GRM5: variants seen among roughly 807,000 people sequenced by gnomAD.
The protein encoded by GRM5 is glutamate metabotropic receptor 5.
A neutral mutation model predicts 83.1 loss-of-function variants in GRM5; 19 were observed. The observed-to-expected ratio is 0.23, with a 90% confidence interval of 0.16 to 0.34. GRM5 has a LOEUF of 0.34. GRM5 is among the 10% of genes least tolerant of loss of function. The pLI, the probability that GRM5 is intolerant of heterozygous loss-of-function variation, is 1.00. For missense variants in GRM5, 1,160 were observed against 1,588.3 expected, an observed-to-expected ratio of 0.73 and a Z score of 4.58; for synonymous variants, 675 against 633.6, an observed-to-expected ratio of 1.07 and a Z score of -0.98.
At chr11:89,008,494 A>T (rs1940592704) in intron 2 of GRM5, among the ~76,000 whole-genome samples, 1 of 152,120 alleles carries the variant, frequency 6.6e-6, no homozygotes. Context: ...GTTTCTATAG[A>T]CATCAAGGTT....
intron 1 of GRM5, among the ~76,000 whole-genome samples, chr11:89,059,598 T>A (rs1455557139): frequency 2.0e-5 from 3 of 152,154 alleles, no homozygotes; most frequent in Non-Finnish European, 4.4e-5. Context: ...TCTATGTTAG[T>A]ATTATGTTTT....
At chr11:88,659,328 A>C (rs7478762) in intron 3 of GRM5, among the ~76,000 whole-genome samples, 3 of 152,044 alleles carry the variant, frequency 2.0e-5, no homozygotes, top group Non-Finnish European at 4.4e-5. Context: ...GATCTCTCAC[A>C]TTTCTTTTTC....
intron 8 of GRM5, among the ~76,000 whole-genome samples, chr11:88,561,571 C>T (rs1393540244): frequency 2.0e-5 from 3 of 152,112 alleles, no homozygotes; most frequent in African/African-American, 4.8e-5. Flanking sequence ...TAGGTCAGAA[C>T]TGGCCTTGTG....
At chr11:88,868,960 C>T (rs1405953954) in intron 2 of GRM5, among the ~76,000 whole-genome samples, 2 of 151,664 alleles carry the variant, frequency 1.3e-5, no homozygotes, top group Non-Finnish European at 3.0e-5. Flanking sequence ...CACGATAGTA[C>T]CAAAGTATTG....
intron 2 of GRM5, among the ~76,000 whole-genome samples, chr11:89,009,929 A>ATAAAC (rs1555059719): frequency 0.011 from 1,078 of 102,408 alleles, 45 homozygotes; most frequent in Middle Eastern, 0.025. Flanking sequence ...AAAAAAAAAA[A>ATAAAC]ACACACACAA....
chr11:88,702,010 A>C (rs2135373810), intron 3 of GRM5, among the ~76,000 whole-genome samples: 1 of 152,178 alleles, frequency 6.6e-6, no homozygotes, highest in African/African-American at 2.4e-5. Context: ...TCTAAAGTCC[A>C]AAAAGGAAGG....
At chr11:88,826,742 C>T (rs1299526697) in intron 3 of GRM5, among the ~76,000 whole-genome samples, 2 of 152,074 alleles carry the variant, frequency 1.3e-5, no homozygotes, top group African/African-American at 4.8e-5. Context: ...CCTCAGAATG[C>T]ATGGTAACAA....
intron 2 of GRM5, among the ~76,000 whole-genome samples, chr11:88,963,544 A>G (rs1938849520): frequency 6.6e-6 from 1 of 152,228 alleles, no homozygotes; most frequent in Non-Finnish European, 1.5e-5. Flanking sequence ...CTATTTAGCC[A>G]TGTTGGACCA....
intron 3 of GRM5, among the ~76,000 whole-genome samples, chr11:88,822,830 G>A (rs746954260): frequency 4.8e-5 from 7 of 146,632 alleles, no homozygotes; most frequent in African/African-American, 1.0e-4. Context: ...CCCTTTTGTC[G>A]CCCAATTTCT....
At chr11:88,666,191 A>C (rs1273204866) in intron 3 of GRM5, among the ~76,000 whole-genome samples, 2 of 152,190 alleles carry the variant, frequency 1.3e-5, no homozygotes. Context: ...AAAGAATTGT[A>C]ATTGTTCATT....
intron 4 of GRM5, among the ~76,000 whole-genome samples, chr11:88,617,756 CT>C (rs1395619335): frequency 1.3e-5 from 2 of 152,082 alleles, no homozygotes; most frequent in African/African-American, 4.8e-5. Flanking sequence ...TGGTTTGTTC[CT>C]TTCTCTAGCC....
chr11:88,914,296 A>G (rs572025919), intron 2 of GRM5, among the ~76,000 whole-genome samples: 1 of 152,256 alleles, frequency 6.6e-6, no homozygotes, highest in East Asian at 1.9e-4. Context: ...CAAAAATATG[A>G]AGAAATAGTT....
intron 2 of GRM5, among the ~76,000 whole-genome samples, chr11:88,912,687 TTCA>T (rs567306222): frequency 6.6e-6 from 1 of 152,338 alleles, no homozygotes; most frequent in South Asian, 2.1e-4. Flanking sequence ...CTTGTTAATG[TTCA>T]ATCTTTCTAT....
At chr11:88,859,393 A>AATC (rs954417526) in intron 2 of GRM5, among the ~76,000 whole-genome samples, 19 of 152,020 alleles carry the variant, frequency 1.2e-4, no homozygotes, top group African/African-American at 4.6e-4. Context: ...ATTTTTTTAT[A>AATC]ATCATCATCA....
chr11:89,051,252 T>C (rs905586147), intron 1 of GRM5, among the ~76,000 whole-genome samples: 73 of 149,944 alleles, frequency 4.9e-4, no homozygotes, highest in African/African-American at 1.5e-3. Context: ...AGACTCCGTC[T>C]CACAAAAAAG....
intron 2 of GRM5, among the ~76,000 whole-genome samples, chr11:89,039,232 T>G (rs1461943219): frequency 6.6e-6 from 1 of 150,600 alleles, no homozygotes; most frequent in African/African-American, 2.4e-5. Context: ...GCCACTGCAC[T>G]CCAGCCTGGG....
chr11:88,913,563 C>CT (rs5793357), intron 2 of GRM5, among the ~76,000 whole-genome samples: 24 of 144,756 alleles, frequency 1.7e-4, no homozygotes, highest in South Asian at 1.3e-3. Flanking sequence ...TCCATATCTT[C>CT]TTTTTTTTTC....
At chr11:88,938,568 G>T (rs1298772072) in intron 2 of GRM5, among the ~76,000 whole-genome samples, 4 of 126,662 alleles carry the variant, frequency 3.2e-5, no homozygotes, top group African/African-American at 1.1e-4. Context: ...TTTTTTTAAA[G>T]AAGAAGGTAC....
chr11:88,587,329 G>T (rs892345482), intron 7 of GRM5, among the ~76,000 whole-genome samples: 2 of 152,114 alleles, frequency 1.3e-5, no homozygotes, highest in Non-Finnish European at 2.9e-5. Flanking sequence ...TCCAGGTGGA[G>T]AAGACAATAT....
Sources: gnomAD v4.1 joint callset for allele counts (sites outside exome capture counted in the v4.1 genomes callset) on GRCh38, gnomAD v4.1.1 for gene constraint, MANE v1.5 for transcripts, NCBI Gene and HGNC (gene_info 2026-07-23, HGNC 2026-07-21) for gene names.